The following CBX1 variants were observed in gnomAD, a reference collection of about 807,000 sequenced individuals.
CBX1 encodes the protein chromobox protein homolog 1.
A neutral mutation model predicts 25.1 loss-of-function variants in CBX1; 10 were observed. The observed-to-expected ratio is 0.40, with a 90% CI of 0.25 to 0.68. The LOEUF (loss-of-function observed/expected upper bound fraction) is 0.68. CBX1 is among the 30% of genes least tolerant of loss of function. The probability of loss-of-function intolerance (pLI) is 0.40; values close to 1 mark genes in which losing one functional copy is unlikely to be tolerated. For missense variants in CBX1, 106 were observed against 218.5 expected (o/e 0.49, Z 3.25); for synonymous variants, 63 against 79.4 (o/e 0.79, Z 1.10).
At chr17:48,082,501 CAAAAAAAAAAAAAA>C (rs572999255) in intron 1 of CBX1, among the ~76,000 whole-genome samples, 2 of 53,754 alleles carry the variant, frequency 3.7e-5, no homozygotes, top group Non-Finnish European at 6.3e-5. Context: ...GACTCCATCT[CAAAAAAAAAAAAAA>C]AAAAAAAAAA....
chr17:48,077,135 GA>G, intron 1 of CBX1, 94 bp from the exon 2 acceptor site: 1 of 961,428 alleles, frequency 1.0e-6, no homozygotes, highest in South Asian at 1.6e-5. Context: ...CATGACAGGT[GA>G]TAATATTGTA....
chr17:48,082,471 C>T (rs1373110609), intron 1 of CBX1, among the ~76,000 whole-genome samples: 1 of 127,094 alleles, frequency 7.9e-6, no homozygotes, highest in African/African-American at 3.0e-5. Context: ...CACTGCACTC[C>T]AGCCTGGGGG....
intron 1 of CBX1, chr17:48,096,483 C>A (rs1203736317): frequency 1.3e-5 from 7 of 521,174 alleles, no homozygotes; most frequent in Non-Finnish European, 1.7e-5. Flanking sequence ...TATCAGAACA[C>A]CACAGTGGCC....
intron 1 of CBX1, chr17:48,096,237 A>G: frequency 2.4e-6 from 1 of 413,290 alleles, no homozygotes; most frequent in Non-Finnish European, 3.3e-6. Context: ...AAAGGCTAGA[A>G]TGCTGGTGTG....
At chr17:48,093,500 C>G (rs1218753100) in intron 1 of CBX1, among the ~76,000 whole-genome samples, 3 of 152,104 alleles carry the variant, frequency 2.0e-5, no homozygotes, top group Admixed American at 6.6e-5. Flanking sequence ...AGTTTGAAAC[C>G]AGGCTTTACT....
intron 1 of CBX1, chr17:48,088,373 C>G (rs2063324957): frequency 6.7e-6 from 1 of 150,348 alleles, no homozygotes; most frequent in African/African-American, 2.5e-5. Context: ...ATAATCCCAG[C>G]ACTTTGGGAG....
intron 1 of CBX1, among the ~76,000 whole-genome samples, chr17:48,078,242 G>A (rs2037696561): frequency 6.6e-6 from 1 of 151,908 alleles, no homozygotes; most frequent in African/African-American, 2.4e-5. Flanking sequence ...CCCCAGGCTG[G>A]AGTGCAGTGG....
At chr17:48,100,864 A>G in intron 1 of CBX1, 2 of 985,616 alleles carry the variant, frequency 2.0e-6, no homozygotes, top group Non-Finnish European at 2.4e-6. Context: ...TTCCGAATAC[A>G]GTTACAAACC....
At chr17:48,085,155 C>G (rs1213111071) in intron 1 of CBX1, among the ~76,000 whole-genome samples, 1 of 152,130 alleles carries the variant, frequency 6.6e-6, no homozygotes, top group Non-Finnish European at 1.5e-5. Flanking sequence ...TTGAAGATTC[C>G]TAGAAAAATA....
intron 4 of CBX1, among the ~76,000 whole-genome samples, chr17:48,073,824 C>CAAAAAA (rs60857566): frequency 7.3e-5 from 6 of 82,474 alleles, no homozygotes; most frequent in African/African-American, 1.7e-4. Context: ...GAGACTGTCT[C>CAAAAAA]AAAAAAAAAA....
At chr17:48,075,197 CT>C (rs951331474) in intron 3 of CBX1, 97 bp from the exon 4 acceptor site, 55,565 of 622,184 alleles carry the variant, frequency 0.089, no homozygotes, top group South Asian at 0.11. Flanking sequence ...ATCACAAACT[CT>C]TTTTTTTTTT....
chr17:48,075,927 G>A, intron 3 of CBX1, 74 bp downstream of exon 3: 3 of 1,151,604 alleles, frequency 2.6e-6, no homozygotes, highest in Non-Finnish European at 2.4e-6. Context: ...TAATATCAGG[G>A]AAGAAGCAGA....
Position 48,095,561 on chromosome 17 carries a change from A to T in CBX1, c.-38+5707T>A, listed in dbSNP as rs2063369887. On this transcript the variant is annotated intron_variant, in intron 1 of 4. Coordinates refer to ENST00000225603, the MANE Select transcript of CBX1 (RefSeq NM_001127228.2). ...AACAAGAACAAAACTCCATCTCAAA[A>T]AAAAGAGGATGACTGTCTCAGAAGC... Among the ~76,000 whole-genome samples the T allele has an allele frequency of 2.6e-5, 4 of 152,246 alleles. No homozygotes were observed. The South Asian group carries it at 8.3e-4, about 31-fold the overall frequency.
At chr17:48,086,721 G>C (rs1197103705) in intron 1 of CBX1, among the ~76,000 whole-genome samples, 1 of 151,964 alleles carries the variant, frequency 6.6e-6, no homozygotes, top group Non-Finnish European at 1.5e-5. Flanking sequence ...GCTGGGCGTG[G>C]TCGTGCACAT....
chr17:48,081,145 C>T (rs1158145424), intron 1 of CBX1, among the ~76,000 whole-genome samples: 1 of 150,812 alleles, frequency 6.6e-6, no homozygotes, highest in African/African-American at 2.4e-5. Context: ...GTCTTGAACC[C>T]CTGGGCTCAA....
intron 1 of CBX1, among the ~76,000 whole-genome samples, chr17:48,095,180 T>A (rs544860020): frequency 6.6e-6 from 1 of 152,318 alleles, no homozygotes; most frequent in South Asian, 2.1e-4. Flanking sequence ...AGCTAAATAA[T>A]ATTTCTCTTT....
intron 1 of CBX1, among the ~76,000 whole-genome samples, chr17:48,086,151 A>G (rs973549738): frequency 6.6e-6 from 1 of 152,206 alleles, no homozygotes; most frequent in Admixed American, 6.5e-5. Context: ...GTAAATCTGA[A>G]TCAAGAGTAA....
At chr17:48,094,114 CAA>C (rs11459504) in intron 1 of CBX1, among the ~76,000 whole-genome samples, 1 of 50,834 alleles carries the variant, frequency 2.0e-5, no homozygotes, top group Non-Finnish European at 3.3e-5. Flanking sequence ...AACTCTGTCT[CAA>C]AAAAAAAAAA....
At chr17:48,072,242 A>T (rs562277640) in intron 4 of CBX1, among the ~76,000 whole-genome samples, 220 of 152,080 alleles carry the variant, frequency 1.4e-3, no homozygotes, top group Admixed American at 4.0e-3. Flanking sequence ...AACTCCTGAC[A>T]TCAGGTGATC....
Sources: allele counts gnomAD v4.1 joint callset (sites outside exome capture counted in the v4.1 genomes callset), GRCh38; gene constraint gnomAD v4.1.1; transcripts MANE v1.5; gene names NCBI Gene and HGNC (gene_info 2026-07-23, HGNC 2026-07-21).